KIF16B: variants seen among roughly 807,000 people sequenced by gnomAD.
KIF16B encodes the protein kinesin family member 16B.
Under a neutral mutation model 156.3 loss-of-function variants are expected in KIF16B, and 98 were observed. The observed-to-expected ratio is 0.63, with a 90% CI of 0.53 to 0.74. The LOEUF (loss-of-function observed/expected upper bound fraction) is 0.74, where lower values mean the gene tolerates loss of function less well. KIF16B is among the 30% of genes least tolerant of loss of function. The pLI is 0.00. For missense variants in KIF16B, 1,421 were observed against 1,606.5 expected (o/e 0.88, Z 1.97); for synonymous variants, 564 against 583.7 (o/e 0.97, Z 0.49).
At chr20:16,297,223 C>A (rs1055611899) in intron 25 of KIF16B, among the ~76,000 whole-genome samples, 3 of 152,224 alleles carry the variant, frequency 2.0e-5, no homozygotes, top group African/African-American at 7.2e-5. Context: ...TGAATCAGGT[C>A]TCTCCCCATC....
At chr20:16,519,012 T>C (rs2069238279) in intron 3 of KIF16B, among the ~76,000 whole-genome samples, 1 of 152,212 alleles carries the variant, frequency 6.6e-6, no homozygotes. Flanking sequence ...CCAATTCTGC[T>C]ACTATTAAAA....
At chr20:16,409,878 T>C (rs1038192102) in intron 15 of KIF16B, among the ~76,000 whole-genome samples, 1 of 145,984 alleles carries the variant, frequency 6.9e-6, no homozygotes, top group African/African-American at 2.6e-5. Flanking sequence ...ATTTGGCAAA[T>C]GAAAATATGG....
intron 12 of KIF16B, among the ~76,000 whole-genome samples, chr20:16,454,182 A>G (rs2067155601): frequency 6.6e-6 from 1 of 152,164 alleles, no homozygotes; most frequent in South Asian, 2.1e-4. Flanking sequence ...AACAATGTAT[A>G]GTTTCTTTTT....
intron 12 of KIF16B, among the ~76,000 whole-genome samples, chr20:16,489,145 C>G (rs2068209960): frequency 6.6e-6 from 1 of 152,118 alleles, no homozygotes; most frequent in Non-Finnish European, 1.5e-5. Flanking sequence ...GGAGTATTTC[C>G]CGAGGGCAAG....
At chr20:16,532,180 T>A (rs949962884) in intron 1 of KIF16B, among the ~76,000 whole-genome samples, 2 of 6,462 alleles carry the variant, frequency 3.1e-4, no homozygotes, top group African/African-American at 1.4e-3. Context: ...AATAGTATTA[T>A]GACTTAAAAA....
intron 3 of KIF16B, among the ~76,000 whole-genome samples, chr20:16,522,525 T>C (rs957745283): frequency 1.1e-4 from 16 of 152,026 alleles, no homozygotes; most frequent in African/African-American, 3.9e-4. Context: ...TAAAGCAAGT[T>C]CTCAGAGACC....
chr20:16,276,647 G>C (rs1302849426), intron 25 of KIF16B, among the ~76,000 whole-genome samples: 2 of 152,140 alleles, frequency 1.3e-5, no homozygotes, highest in African/African-American at 4.8e-5. Context: ...GCCATGTCCA[G>C]AGCCACATGC....
intron 22 of KIF16B, among the ~76,000 whole-genome samples, chr20:16,361,036 C>T (rs2064542553): frequency 6.6e-6 from 1 of 152,192 alleles, no homozygotes; most frequent in Non-Finnish European, 1.5e-5. Flanking sequence ...GGCCTAAGGA[C>T]TGCCATCTAA....
chr20:16,549,280 A>G (rs1328916184), intron 1 of KIF16B, among the ~76,000 whole-genome samples: 2 of 150,652 alleles, frequency 1.3e-5, no homozygotes, highest in Non-Finnish European at 2.9e-5. Flanking sequence ...TATGAGTGAG[A>G]ATATGCGGTG....
chr20:16,450,613 G>A (rs1045354401), intron 12 of KIF16B, among the ~76,000 whole-genome samples: 6 of 152,166 alleles, frequency 3.9e-5, no homozygotes, highest in Non-Finnish European at 7.3e-5. Context: ...CTGTCTGACT[G>A]TATTGTCACG....
chr20:16,526,342 A>C lies in KIF16B; in HGVS notation c.118-137T>G, dbSNP rs184501411. On this transcript the variant is annotated intron_variant, in intron 2 of 25. Transcript: ENST00000354981. ...TAAAAAAATAAATAAATAAAATTTA[A>C]ATATAAACTAAACTCCTTGCAGCAA... 953 of 432,932 alleles carry C rather than the reference A, an allele frequency of 2.2e-3. 10 individuals carry two copies. The highest frequency in any genetic ancestry group is 0.018 in the African/African-American group (902 of 49,238). The allele number at this position is 432,932 out of a possible 1,614,324, so 26.8% of individuals were successfully genotyped here.
At chr20:16,432,263 T>C (rs971911185) in intron 12 of KIF16B, among the ~76,000 whole-genome samples, 2 of 152,236 alleles carry the variant, frequency 1.3e-5, no homozygotes, top group South Asian at 2.1e-4. Flanking sequence ...GACTAAATCA[T>C]GTACAAGAGC....
intron 12 of KIF16B, among the ~76,000 whole-genome samples, chr20:16,477,724 A>G (rs947135036): frequency 6.6e-6 from 1 of 152,218 alleles, no homozygotes; most frequent in Non-Finnish European, 1.5e-5. Context: ...AGAACTCTAA[A>G]TAATTCAAAA....
chr20:16,557,480 C>T (rs2070893485), intron 1 of KIF16B, among the ~76,000 whole-genome samples: 1 of 152,100 alleles, frequency 6.6e-6, no homozygotes, highest in Admixed American at 6.6e-5. Context: ...GCACCTAGCC[C>T]ACTGTGCATT....
At chr20:16,514,434 C>T (rs887042771) in intron 4 of KIF16B, among the ~76,000 whole-genome samples, 3 of 152,138 alleles carry the variant, frequency 2.0e-5, no homozygotes, top group African/African-American at 4.8e-5. Context: ...TTCTAACACA[C>T]GACTTCCATG....
At chr20:16,356,246 T>A in intron 23 of KIF16B, 84 bp downstream of exon 23, 1 of 1,533,110 alleles carries the variant, frequency 6.5e-7, no homozygotes, top group South Asian at 1.1e-5. Context: ...TGCAGCTTCA[T>A]CCCCCTTTTG....
At chr20:16,322,977 A>G (rs2063793083) in intron 24 of KIF16B, among the ~76,000 whole-genome samples, 1 of 152,072 alleles carries the variant, frequency 6.6e-6, no homozygotes, top group African/African-American at 2.4e-5. Flanking sequence ...AGAAATTAAA[A>G]TGGGTAATAA....
chr20:16,319,165 G>A (rs2063739473), intron 24 of KIF16B, among the ~76,000 whole-genome samples: 2 of 152,136 alleles, frequency 1.3e-5, no homozygotes, highest in African/African-American at 4.8e-5. Context: ...GGGGTGTCCT[G>A]GGTGGGATCC....
intron 1 of KIF16B, among the ~76,000 whole-genome samples, chr20:16,557,158 TACAC>T (rs74175699): frequency 2.0e-5 from 3 of 147,268 alleles, no homozygotes; most frequent in African/African-American, 7.5e-5. Context: ...TATATATATA[TACAC>T]ACACACACAC....
Sources: gnomAD v4.1 joint callset for allele counts (sites outside exome capture counted in the v4.1 genomes callset) on GRCh38, gnomAD v4.1.1 for gene constraint, MANE v1.5 for transcripts, NCBI Gene and HGNC (gene_info 2026-07-23, HGNC 2026-07-21) for gene names.